Variants in ESR1 observed in about 807,000 individuals in gnomAD.
ESR1 encodes the protein estrogen receptor.
Under a neutral mutation model 52.7 loss-of-function variants are expected in ESR1, and 12 were observed. That is an observed-to-expected ratio of 0.23 (90% CI 0.15 to 0.37). ESR1 has a LOEUF of 0.37. Among genes scored for constraint, ESR1 ranks in the 10% least tolerant of loss-of-function variants. ESR1 has a pLI of 1.00. For synonymous variants in ESR1, 305 were observed against 316.8 expected (o/e 0.96, Z 0.39); for missense variants, 584 against 779.7 (o/e 0.75, Z 2.99).
chr6:152,104,623 G>A (rs1456675535), downstream of ESR1, among the ~76,000 whole-genome samples: 1 of 152,052 alleles, frequency 6.6e-6, no homozygotes, highest in African/African-American at 2.4e-5. Context: ...TATATATTTG[G>A]TCTCTGGCCC....
intron 2 of ESR1, among the ~76,000 whole-genome samples, chr6:151,747,166 G>A (rs1418996384): frequency 6.6e-6 from 1 of 152,148 alleles, no homozygotes. Flanking sequence ...TAGTCAATTA[G>A]TAGTTCATAA....
intron 2 of ESR1, among the ~76,000 whole-genome samples, chr6:151,704,862 C>T (rs1780062760): frequency 6.6e-6 from 1 of 151,894 alleles, no homozygotes; most frequent in South Asian, 2.1e-4. Context: ...AGGACATGAA[C>T]TTAGGACAAT....
At chr6:151,679,681 C>A (rs1210313833) in intron 1 of ESR1, among the ~76,000 whole-genome samples, 1 of 152,184 alleles carries the variant, frequency 6.6e-6, no homozygotes, top group African/African-American at 2.4e-5. Flanking sequence ...GCCCCACACA[C>A]CTTAGCATTC....
chr6:151,991,654 A>G (rs2041032475), intron 4 of ESR1, among the ~76,000 whole-genome samples: 1 of 152,104 alleles, frequency 6.6e-6, no homozygotes, highest in African/African-American at 2.4e-5. Context: ...GACTTGTCTC[A>G]ATGGCATGAG....
At chr6:151,868,926 G>A (rs907817060) in intron 2 of ESR1, among the ~76,000 whole-genome samples, 3 of 152,148 alleles carry the variant, frequency 2.0e-5, no homozygotes, top group Admixed American at 6.6e-5. Context: ...ACAAGGGAAC[G>A]TTCAGGTGTG....
chr6:151,662,150 C>G (rs1777660037), intron 1 of ESR1, among the ~76,000 whole-genome samples: 1 of 152,148 alleles, frequency 6.6e-6, no homozygotes, highest in African/African-American at 2.4e-5. Context: ...GCTCGAGAGA[C>G]TCACCTTAGT....
chr6:151,697,626 A>T (rs1779456024), intron 1 of ESR1, among the ~76,000 whole-genome samples: 1 of 152,204 alleles, frequency 6.6e-6, no homozygotes, highest in Non-Finnish European at 1.5e-5. Context: ...GACCATTTGA[A>T]TTTTTTATAT....
At chr6:151,703,860 A>T (rs1295415049) in intron 2 of ESR1, among the ~76,000 whole-genome samples, 1 of 152,172 alleles carries the variant, frequency 6.6e-6, no homozygotes, top group African/African-American at 2.4e-5. Context: ...TTGATTCCAG[A>T]AAGGTCTAAG....
chr6:151,852,468 C>T (rs1352306684), intron 2 of ESR1, among the ~76,000 whole-genome samples: 2 of 152,114 alleles, frequency 1.3e-5, no homozygotes, highest in African/African-American at 4.8e-5. Flanking sequence ...ATGTGCAAAG[C>T]CCTTCTAAAC....
chr6:151,875,992 G>A (rs1791745543), intron 2 of ESR1, among the ~76,000 whole-genome samples: 1 of 152,156 alleles, frequency 6.6e-6, no homozygotes, highest in Non-Finnish European at 1.5e-5. Flanking sequence ...GATTGGCGGG[G>A]GAAGGCTGGA....
intron 4 of ESR1, among the ~76,000 whole-genome samples, chr6:151,987,088 A>C (rs1334389394): frequency 6.6e-6 from 1 of 151,650 alleles, no homozygotes; most frequent in Non-Finnish European, 1.5e-5. Context: ...ACATTTCCTC[A>C]CAGATTATTT....
chr6:152,001,744 G>A (rs545582751), intron 4 of ESR1, among the ~76,000 whole-genome samples: 20 of 152,078 alleles, frequency 1.3e-4, no homozygotes, highest in African/African-American at 3.9e-4. Context: ...AGGTGGGGTG[G>A]AAGACACTGA....
At chr6:151,977,544 C>T (rs2039552995) in intron 4 of ESR1, among the ~76,000 whole-genome samples, 1 of 151,978 alleles carries the variant, frequency 6.6e-6, no homozygotes, top group African/African-American at 2.4e-5. Flanking sequence ...CCTGTAATCC[C>T]AGCACTTTGG....
chr6:151,886,242 G>A (rs768711956), intron 3 of ESR1, among the ~76,000 whole-genome samples: 3 of 151,956 alleles, frequency 2.0e-5, no homozygotes, highest in Non-Finnish European at 2.9e-5. Context: ...AGATTTACAC[G>A]AATTTGTGAA....
At position 152,078,371 on chromosome 6, in the gene ESR1, C is replaced by T. The variant is rs148211822; in HGVS notation, c.1370-16014C>T. Among the ~76,000 whole-genome samples, 505 of 152,316 alleles carry T rather than the reference C, an allele frequency of 3.3e-3. 9 individuals carry two copies. The highest frequency in any genetic ancestry group is 0.012 in the African/African-American group (479 of 41,580). ...CTTTGACCAAGACGGCCTTTCTTTTCACAGAAAGCCAGGGTTCACCCCTTG... is the reference window on the plus strand; with the variant it reads ...CTTTGACCAAGACGGCCTTTCTTTTTACAGAAAGCCAGGGTTCACCCCTTG... On this transcript the variant is annotated intron_variant, in intron 6 of 7. Coordinates refer to ENST00000206249, the MANE Select transcript of ESR1 (RefSeq NM_000125.4).
chr6:151,666,567 C>T (rs1203430963), intron 1 of ESR1, among the ~76,000 whole-genome samples: 2 of 152,170 alleles, frequency 1.3e-5, no homozygotes, highest in African/African-American at 4.8e-5. Context: ...TATGAGCTCT[C>T]TGTTCCTTCA....
intron 1 of ESR1, among the ~76,000 whole-genome samples, chr6:151,691,787 G>A (rs1207392207): frequency 6.6e-6 from 1 of 152,206 alleles, no homozygotes; most frequent in Admixed American, 6.5e-5. Context: ...GAATGTTTGA[G>A]AACCATGGAT....
At chr6:151,682,001 A>G (rs77255806) in intron 1 of ESR1, among the ~76,000 whole-genome samples, 7,075 of 152,328 alleles carry the variant, frequency 0.046, 151 homozygotes, top group South Asian at 0.057. Flanking sequence ...GGAGAAACTG[A>G]AAAGTTAAAA....
At chr6:151,891,166 G>T (rs1794652800) in intron 3 of ESR1, among the ~76,000 whole-genome samples, 1 of 152,002 alleles carries the variant, frequency 6.6e-6, no homozygotes, top group African/African-American at 2.4e-5. Flanking sequence ...CAATTTATTT[G>T]ATTGCTTATT....
Sources: allele counts gnomAD v4.1 joint callset (sites outside exome capture counted in the v4.1 genomes callset), GRCh38; gene constraint gnomAD v4.1.1; transcripts MANE v1.5; gene names NCBI Gene and HGNC (gene_info 2026-07-23, HGNC 2026-07-21).